Variants in F13A1 observed in about 807,000 individuals in gnomAD.
F13A1 encodes FSF, A subunit.
Under a neutral mutation model 80.1 loss-of-function variants are expected in F13A1, and 47 were observed. The observed-to-expected ratio is 0.59, with a 90% CI of 0.46 to 0.75. The LOEUF (loss-of-function observed/expected upper bound fraction) is 0.75. Ranked by LOEUF, F13A1 falls within the 30% of genes least tolerant of loss-of-function variation. F13A1 has a pLI of 0.00. For missense variants in F13A1, 817 were observed against 930.4 expected (o/e 0.88, Z 1.59); for synonymous variants, 349 against 344.9 (o/e 1.01, Z -0.13).
At chr6:6,283,394 T>G (rs932668766) in intron 3 of F13A1, among the ~76,000 whole-genome samples, 1 of 152,194 alleles carries the variant, frequency 6.6e-6, no homozygotes, top group African/African-American at 2.4e-5. Context: ...TTCTAAAGAT[T>G]AGACTACCAT....
At chr6:6,291,247 A>T (rs1758220973) in intron 3 of F13A1, among the ~76,000 whole-genome samples, 1 of 151,388 alleles carries the variant, frequency 6.6e-6, no homozygotes, top group South Asian at 2.1e-4. Context: ...TCAGCCCCTC[A>T]CCCGTGCCCC....
chr6:6,188,017 G>C (rs1218874963), intron 10 of F13A1, among the ~76,000 whole-genome samples: 1 of 151,502 alleles, frequency 6.6e-6, no homozygotes, highest in Non-Finnish European at 1.5e-5. Context: ...GCATAGAGGT[G>C]TTTGTAGTAC....
chr6:6,197,034 A>C (rs779887882), intron 9 of F13A1, among the ~76,000 whole-genome samples, 189 bp downstream of exon 9: 2 of 152,244 alleles, frequency 1.3e-5, no homozygotes, highest in Non-Finnish European at 2.9e-5. Context: ...TAAAATAATC[A>C]GGGTAAAGCT....
chr6:6,179,178 T>A (rs1031995899), intron 11 of F13A1, among the ~76,000 whole-genome samples: 1 of 152,156 alleles, frequency 6.6e-6, no homozygotes, highest in African/African-American at 2.4e-5. Context: ...TGGAAGTAAC[T>A]GAAGGAGCAA....
chr6:6,301,951 TC>T (rs1758439197), intron 3 of F13A1, among the ~76,000 whole-genome samples: 1 of 152,206 alleles, frequency 6.6e-6, no homozygotes, highest in South Asian at 2.1e-4. Context: ...CCTCCCTCTG[TC>T]CAACAGTGAT....
chr6:6,184,334 C>T (rs1182838699), intron 10 of F13A1, among the ~76,000 whole-genome samples: 2 of 152,220 alleles, frequency 1.3e-5, no homozygotes, highest in Non-Finnish European at 2.9e-5. Flanking sequence ...CACCGCCTTT[C>T]CCACACCACC....
At chr6:6,180,467 G>A (rs1328929580) in intron 11 of F13A1, among the ~76,000 whole-genome samples, 2 of 152,354 alleles carry the variant, frequency 1.3e-5, no homozygotes, top group African/African-American at 4.8e-5. Context: ...GCCAGCTGTC[G>A]TGTGGATGTA....
chr6:6,186,422 G>A (rs2151078685), intron 10 of F13A1, among the ~76,000 whole-genome samples: 1 of 152,302 alleles, frequency 6.6e-6, no homozygotes, highest in Non-Finnish European at 1.5e-5. Context: ...AAGGGATCCA[G>A]TTTCAGCTTT....
intron 4 of F13A1, among the ~76,000 whole-genome samples, chr6:6,260,747 G>T (rs536338385): frequency 9.9e-5 from 15 of 152,268 alleles, no homozygotes; most frequent in Admixed American, 4.6e-4. Flanking sequence ...TGTTGGAAGA[G>T]ATCAAGCAAC....
At chr6:6,274,320 G>A (rs1757959229) in intron 3 of F13A1, among the ~76,000 whole-genome samples, 1 of 152,186 alleles carries the variant, frequency 6.6e-6, no homozygotes, top group African/African-American at 2.4e-5. Flanking sequence ...ATCACTTAAA[G>A]CCTCTTTTGG....
intron 8 of F13A1, among the ~76,000 whole-genome samples, chr6:6,198,867 T>C (rs1473740976): frequency 6.6e-6 from 1 of 152,184 alleles, no homozygotes; most frequent in African/African-American, 2.4e-5. Flanking sequence ...TGGGGTGCCA[T>C]GGAGTCTCAG....
At chr6:6,161,487 T>G (rs1418815561) in intron 13 of F13A1, among the ~76,000 whole-genome samples, 1 of 150,562 alleles carries the variant, frequency 6.6e-6, no homozygotes, top group Non-Finnish European at 1.5e-5. Flanking sequence ...CATAGTGTAT[T>G]CACTTTGCAA....
chr6:6,217,143 A>G (rs1270861279), intron 8 of F13A1, among the ~76,000 whole-genome samples: 2 of 149,948 alleles, frequency 1.3e-5, no homozygotes, highest in Non-Finnish European at 3.0e-5. Context: ...ATCTAGAACC[A>G]GAAATACCAT....
At chr6:6,299,809 G>A (rs1488721408) in intron 3 of F13A1, among the ~76,000 whole-genome samples, 1 of 148,594 alleles carries the variant, frequency 6.7e-6, no homozygotes, top group Admixed American at 6.6e-5. Flanking sequence ...CATTTCTTTG[G>A]AGGAGGAGAG....
chr6:6,187,967 G>C (rs1435715925), intron 10 of F13A1, among the ~76,000 whole-genome samples: 14 of 149,124 alleles, frequency 9.4e-5, no homozygotes, highest in South Asian at 2.2e-4. Context: ...TGTATGTGTC[G>C]AGGAATTTAT....
chr6:6,180,078 C>T (rs1760954464), intron 11 of F13A1, among the ~76,000 whole-genome samples: 1 of 152,192 alleles, frequency 6.6e-6, no homozygotes. Flanking sequence ...TCCTGCTGCC[C>T]CTAGCTGCCT....
intron 6 of F13A1, among the ~76,000 whole-genome samples, chr6:6,225,502 C>T (rs993278454): frequency 6.7e-6 from 1 of 149,894 alleles, no homozygotes; most frequent in African/African-American, 2.4e-5. Context: ...CTTTTCTTTT[C>T]TCTCTCTCTC....
At chr6:6,311,324 T>A (rs1036621842) in intron 2 of F13A1, among the ~76,000 whole-genome samples, 2 of 152,184 alleles carry the variant, frequency 1.3e-5, no homozygotes, top group Admixed American at 6.5e-5. Context: ...TTTACCATTT[T>A]ATTCTCAAAA....
At chr6:6,180,645 C>CA (rs1384341862) in intron 11 of F13A1, among the ~76,000 whole-genome samples, 3 of 152,038 alleles carry the variant, frequency 2.0e-5, no homozygotes, top group Non-Finnish European at 4.4e-5. Flanking sequence ...ATCCAAATGA[C>CA]AAAAAAATAC....
Sources: allele counts gnomAD v4.1 joint callset (sites outside exome capture counted in the v4.1 genomes callset), GRCh38; gene constraint gnomAD v4.1.1; transcripts MANE v1.5; gene names NCBI Gene and HGNC (gene_info 2026-07-23, HGNC 2026-07-21).